The following KCNC3 variants were observed in gnomAD, a reference collection of about 807,000 sequenced individuals.
KCNC3 encodes voltage-gated potassium channel KCNC3.
KCNC3 carries 22 observed loss-of-function variants against 43.9 expected under a neutral mutation model. The ratio of observed to expected loss-of-function variants is 0.50; its 90% CI spans 0.36 to 0.72. The LOEUF (loss-of-function observed/expected upper bound fraction) is 0.72, where lower values mean the gene tolerates loss of function less well. KCNC3 is among the 30% of genes least tolerant of loss of function. The pLI is 0.00. For synonymous variants in KCNC3, 492 were observed against 488.0 expected, an observed-to-expected ratio of 1.01 and a Z score of -0.11; for missense variants, 829 against 1,073.8, an observed-to-expected ratio of 0.77 and a Z score of 3.19.
intron 4 of KCNC3, among the ~76,000 whole-genome samples, chr19:50,318,550 C>A (rs1233818621): frequency 2.6e-5 from 4 of 152,146 alleles, no homozygotes; most frequent in Non-Finnish European, 5.9e-5. Context: ...GATAGTAAAT[C>A]TCTTTGGCTA....
At chr19:50,330,161 G>A (rs1198805283), upstream of KCNC3, among the ~76,000 whole-genome samples, 4 of 152,308 alleles carry the variant, frequency 2.6e-5, no homozygotes, top group East Asian at 7.7e-4. Context: ...CAGCTAGTCG[G>A]GAGGTTGAGG....
intron 1 of KCNC3, 139 bp downstream of exon 1, chr19:50,328,074 T>G: frequency 2.1e-6 from 1 of 469,044 alleles, no homozygotes; most frequent in Non-Finnish European, 3.0e-6. Context: ...CCCAGGAGAC[T>G]CAGGATTGGG....
At chr19:50,330,640 G>A (rs1225447593), upstream of KCNC3, among the ~76,000 whole-genome samples, 2 of 152,100 alleles carry the variant, frequency 1.3e-5, no homozygotes, top group Non-Finnish European at 1.5e-5. Context: ...GGTGAGGAGG[G>A]GGCACGCAAG....
chr19:50,330,699 C>G (rs750048343), upstream of KCNC3, among the ~76,000 whole-genome samples: 1 of 151,968 alleles, frequency 6.6e-6, no homozygotes, highest in South Asian at 2.1e-4. Context: ...CAGGAAGCAC[C>G]GTCAAGACTG....
chr19:50,328,998 C>G lies in KCNC3; in HGVS notation c.85G>C (p.Glu29Gln). ...QQPAPPPQPP[E>Q]SPPPPPLPPQ... ...GGCAGCGGTGGCGGCGGCGGGGACT[C>G]GGGCGGCTGCGGCGGTGGCGCCGGC... The change falls in exon 1 of 5, where the codon GAG becomes CAG. Residue 29 changes from glutamate to glutamine, a missense_variant. Around this residue, in one of 7 missense-constraint regions of KCNC3, gnomAD observed 129 missense variants for 83.6 expected, o/e 1.54. Coordinates refer to ENST00000477616, the MANE Select transcript of KCNC3 (RefSeq NM_004977.3). 1 of 1,226,512 alleles carries G rather than the reference C, an allele frequency of 8.2e-7. No homozygotes were observed. Among genetic ancestry groups the G allele is most frequent in the Non-Finnish European group, 1.0e-6 (1 of 965,920 alleles). The allele number at this position is 1,226,512 out of a possible 1,614,324, so 76.0% of individuals were successfully genotyped here.
chr19:50,328,634 T>C lies in KCNC3; in HGVS notation c.449A>G (p.Tyr150Cys). ...HPGVFAYVLN[Y>C]YRTGKLHCPA... ...GCAGTGCAGCTTGCCGGTGCGGTAG[T>C]AGTTGAGCACGTACGCGAAGACTCC... The change falls in exon 1 of 5, where the codon TAC (tyrosine) becomes TGC (cysteine). Residue 150 changes from tyrosine (Y) to cysteine (C), a missense_variant. Physicochemically the swap from Tyr to Cys is radical, Grantham distance 194. Around this residue, in one of 7 missense-constraint regions of KCNC3, gnomAD observed 121 missense variants for 247.4 expected, o/e 0.49. Transcript: ENST00000477616. 1 of 1,611,366 alleles carries C rather than the reference T, an allele frequency of 6.2e-7. No homozygotes were observed. Among genetic ancestry groups the C allele is most frequent in the Non-Finnish European group, 8.5e-7 (1 of 1,179,374 alleles).
In KCNC3 at chr19:50,324,466, C is replaced by T. The variant is rs140248529; in HGVS notation, c.871-384G>A. Among the ~76,000 whole-genome samples, 559 of 152,216 alleles carry T rather than the reference C, an allele frequency of 3.7e-3. 4 individuals are homozygous for T. The highest frequency in any genetic ancestry group is 0.013 in the African/African-American group (531 of 41,536). ...ACGGGTTCTGCTGTGGGACGGGAGC[C>T]GCCAGGCCTAAGATCACACATCCTG... On this transcript the variant is annotated intron_variant, in intron 1 of 4. Coordinates refer to ENST00000477616, the MANE Select transcript of KCNC3 (RefSeq NM_004977.3). The surrounding 1 kb of genome is among the most constrained non-coding windows in gnomAD (Gnocchi z 4.1).
chr19:50,315,565 G>C lies in KCNC3; in HGVS notation c.*550C>G, dbSNP rs1056762135. 6.7e-6 allele frequency: 1 copy of C among 148,838 alleles called. No individual in the cohort carries two copies. Among genetic ancestry groups the C allele is most frequent in the Non-Finnish European group, 1.5e-5 (1 of 67,420 alleles). The allele number at this position is 148,838 out of a possible 1,614,324, so 9.2% of individuals were successfully genotyped here. A position where few individuals can be genotyped will look rare whatever the true frequency, so the allele number is the denominator to read the frequency against. ...AGTTGTAGGGAAAGAGAGCAGGCAG[G>C]GGGTGGGGTCTGCAAGGGGGCTGAG... is the stretch of plus-strand genomic sequence containing the variant. On this transcript the variant is annotated 3_prime_UTR_variant, in exon 5 of 5. Transcript: ENST00000477616.
At position 50,320,681 on chromosome 19, in the gene KCNC3, C is replaced by A. The variant is rs748151383; in HGVS notation, c.2082G>T (p.Thr694=). The A allele has an allele frequency of 3.1e-6, 5 of 1,613,706 alleles. No individual in the cohort carries two copies. The highest frequency in any genetic ancestry group is 4.2e-6 in the Non-Finnish European group (5 of 1,179,948). The change falls in exon 3 of 5, where the codon ACG becomes ACT. Residue 694 remains threonine (T), a synonymous_variant. Transcript: ENST00000477616. ...AMSPEDKSPI[T]PGSRGRYSRD... is the part of the protein sequence containing the mutation. Reference sequence around the variant, plus strand: ...GGCTATAGCGGCCACGGCTTCCAGGCGTGATGGGGCTCTTGTCTTCCGGGG... The same window carrying A: ...GGCTATAGCGGCCACGGCTTCCAGGAGTGATGGGGCTCTTGTCTTCCGGGG...
At chr19:50,325,983 C>T (rs2037100482) in intron 1 of KCNC3, among the ~76,000 whole-genome samples, 1 of 152,206 alleles carries the variant, frequency 6.6e-6, no homozygotes. Flanking sequence ...GCTGGTTTAA[C>T]CCCTTACTCC....
In KCNC3 at chr19:50,312,111, T is replaced by TC. The variant is rs908535764; in HGVS notation, c.*4003dup. On this transcript the variant is annotated 3_prime_UTR_variant, in exon 5 of 5. Transcript: ENST00000477616. ...TTGGGGAAGGGGCCACGCCGACCCC[T>TC]CCCTCCCTGCCCTGCGGGTGGGCTG... The TC allele has an allele frequency of 1.3e-5, 2 of 151,228 alleles. No homozygotes were observed. The highest frequency in any genetic ancestry group is 4.9e-5 in the African/African-American group (2 of 41,120). 9.4% of individuals were successfully genotyped at this position (151,228 alleles called of 1,614,324 possible).
rs1037191110 is a variant in KCNC3, at chr19:50,324,948, G to T, written c.871-866C>A. ...AGATAAAAGAGGAGAGTCAGGCAGG[G>T]TTTAGGGCCCTGAAGAGGAAGGAGA... On this transcript the variant is annotated intron_variant, in intron 1 of 4. Coordinates refer to ENST00000477616, the MANE Select transcript of KCNC3 (RefSeq NM_004977.3). The surrounding 1 kb of genome is among the most constrained non-coding windows in gnomAD (Gnocchi z 4.1). 6.6e-6 allele frequency among the ~76,000 whole-genome samples: 1 copy of T among 152,154 alleles called. No homozygotes were observed. The highest frequency in any genetic ancestry group is 1.5e-5 in the Non-Finnish European group (1 of 68,044).
In KCNC3 at chr19:50,320,663, G is replaced by A. The variant is rs1277901015; in HGVS notation, c.2100C>T (p.Arg700=). The change falls in exon 3 of 5, where the codon CGC becomes CGT. Residue 700 remains arginine, a synonymous_variant. Coordinates refer to ENST00000477616, the MANE Select transcript of KCNC3 (RefSeq NM_004977.3). ...GGAAGCAGGCTCGGTCCCGGCTATA[G>A]CGGCCACGGCTTCCAGGCGTGATGG... ...KSPITPGSRG[R]YSRDRACFLL... is the part of the protein sequence containing the mutation. The A allele has an allele frequency of 1.2e-6, 2 of 1,613,680 alleles. No individual in the cohort carries two copies. Among genetic ancestry groups the A allele is most frequent in the East Asian group, 2.2e-5 (1 of 44,842 alleles).
At chr19:50,332,974 G>C (rs2037204272), upstream of KCNC3, among the ~76,000 whole-genome samples, 1 of 152,100 alleles carries the variant, frequency 6.6e-6, no homozygotes, top group Admixed American at 6.5e-5. This position sits in a 1 kb window ranked among gnomAD's most constrained non-coding sequence, Gnocchi z 5.8. Context: ...TTGGTCTCTG[G>C]ACACCAAAGG....
At position 50,323,240 on chromosome 19, in the gene KCNC3, C is replaced by A. The variant is rs545894843; in HGVS notation, c.1713G>T (p.Ser571=). Residue 571 remains serine, a synonymous_variant, in exon 2 of 5, where the codon TCG becomes TCT. Transcript: ENST00000477616. ...GTGGGTCAGGCTTGCAGTAGTTGGG[C>A]GAGCCCGGTTGCGGGGGCCGGGGGA... The part of the protein sequence containing the change: ...KHIPRPPQPG[S]PNYCKPDPPP... 1 of 1,587,022 alleles carries A rather than the reference C, an allele frequency of 6.3e-7. No individual in the cohort carries two copies. The highest frequency in any genetic ancestry group is 1.7e-5 in the Admixed American group (1 of 57,910).
Position 50,320,341 on chromosome 19 carries a change from C to A in KCNC3, c.2179G>T (p.Ala727Ser). ...PDGSIRKATG[A>S]PPLPPQDWRK... Reference sequence around the variant, plus strand: ...CAGTCTTGGGGGGGCAGTGGGGGAGCACCAGTGGCTGGGGGTGGGGGAAGA... The same window carrying A: ...CAGTCTTGGGGGGGCAGTGGGGGAGAACCAGTGGCTGGGGGTGGGGGAAGA... The change falls in exon 4 of 5, where the codon GCT becomes TCT. Residue 727 changes from alanine to serine, a missense_variant. This residue lies in a region of KCNC3 where 308 missense variants were observed against 276.2 expected (regional missense o/e 1.11). Coordinates refer to ENST00000477616, the MANE Select transcript of KCNC3 (RefSeq NM_004977.3). The A allele has an allele frequency of 2.0e-6, 1 of 500,022 alleles. No individual in the cohort carries two copies. The highest frequency in any genetic ancestry group is 3.4e-6 in the Non-Finnish European group (1 of 295,436). The allele number at this position is 500,022 out of a possible 1,614,324, so 31.0% of individuals were successfully genotyped here. A position where few individuals can be genotyped will look rare whatever the true frequency, so the allele number is the denominator to read the frequency against.
intron 2 of KCNC3, 59 bp from the exon 3 acceptor site, chr19:50,320,843 G>A (rs1056531121): frequency 7.8e-6 from 12 of 1,532,834 alleles, no homozygotes; most frequent in South Asian, 4.5e-5. Flanking sequence ...CGGTGAACAC[G>A]CGGTGGGGCA....
rs1568573830 is a variant in KCNC3 at position 50,328,481 on chromosome 19, G to C, written c.602C>G (p.Ser201Cys). The change falls in exon 1 of 5, where the codon TCC becomes TGC. Residue 201 changes from serine to cysteine, a missense_variant. Ser to Cys is a moderately radical substitution (Grantham distance 112). Transcript: ENST00000477616. The stretch of plus-strand genomic sequence containing the variant: ...GCCCGCGGGGTCGGGCGCCTCGAAG[G>C]AGTCGAGCGCCTCCTCAGCGTCGCG... ...QHRDAEEALD[S>C]FEAPDPAGAA... 4 of 1,608,206 alleles carry C rather than the reference G, an allele frequency of 2.5e-6. No individual in the cohort carries two copies. Among genetic ancestry groups the C allele is most frequent in the Non-Finnish European group, 3.4e-6 (4 of 1,178,600 alleles).
At chr19:50,326,691 C>G (rs1013697248) in intron 1 of KCNC3, among the ~76,000 whole-genome samples, 8 of 152,310 alleles carry the variant, frequency 5.3e-5, no homozygotes, top group African/African-American at 1.9e-4. Context: ...CATTCTCCCT[C>G]CGGGGTCCCC....
Sources: gnomAD v4.1 joint callset for allele counts (sites outside exome capture counted in the v4.1 genomes callset) on GRCh38, gnomAD v4.1.1 for gene constraint, gnomAD v4.1.1 regional missense constraint, Gnocchi (gnomAD v3.1) non-coding constraint, MANE v1.5 for transcripts, NCBI Gene and HGNC (gene_info 2026-07-23, HGNC 2026-07-21) for gene names.